The following PPARGC1A variants were observed in gnomAD, a reference collection of about 807,000 sequenced individuals.
PPARGC1A encodes PPARG coactivator 1 alpha.
Under a neutral mutation model 88.7 loss-of-function variants are expected in PPARGC1A, and 25 were observed. That is an observed-to-expected ratio of 0.28 (90% CI 0.21 to 0.39). The LOEUF is 0.39. Among genes scored for constraint, PPARGC1A ranks in the 10% least tolerant of loss-of-function variants. PPARGC1A has a pLI of 1.00. For missense variants in PPARGC1A, 880 were observed against 968.7 expected, an observed-to-expected ratio of 0.91 and a Z score of 1.22; for synonymous variants, 363 against 355.6, an observed-to-expected ratio of 1.02 and a Z score of -0.24.
the PPARGC1A span, among the ~76,000 whole-genome samples, chr4:24,166,083 T>C: frequency 4.6e-5 from 7 of 152,130 alleles, no homozygotes; most frequent in Non-Finnish European, 2.9e-5. Flanking sequence ...AACACACCAA[T>C]GACAAGAAAG....
Sources: allele counts gnomAD v4.1 joint callset (sites outside exome capture counted in the v4.1 genomes callset), GRCh38; gene constraint gnomAD v4.1.1; transcripts MANE v1.5; gene names NCBI Gene and HGNC (gene_info 2026-07-23, HGNC 2026-07-21).